Variants in ACLY observed in about 807,000 individuals in gnomAD.
ACLY encodes ATP citrate lyase, also known as ATP-citrate synthase.
Under a neutral mutation model 133.0 loss-of-function variants are expected in ACLY, and 41 were observed. The ratio of observed to expected loss-of-function variants is 0.31; its 90% confidence interval spans 0.24 to 0.40. The LOEUF is 0.40. Ranked by LOEUF, ACLY falls within the 10% of genes least tolerant of loss-of-function variation. The probability of loss-of-function intolerance (pLI) is 1.00; values close to 1 mark genes in which losing one functional copy is unlikely to be tolerated. For missense variants in ACLY, 1,046 were observed against 1,453.8 expected, an observed-to-expected ratio of 0.72 and a Z score of 4.56; for synonymous variants, 495 against 549.3, an observed-to-expected ratio of 0.90 and a Z score of 1.38.
chr17:41,905,901 G>C (rs968973020), intron 8 of ACLY, among the ~76,000 whole-genome samples: 1 of 152,218 alleles, frequency 6.6e-6, no homozygotes, highest in Non-Finnish European at 1.5e-5. Context: ...GACAGACAAT[G>C]GCAGGTAAAA....
rs1555628338 is a variant in ACLY, at chr17:41,887,142, A to G, written c.1875+457T>C. ...CCGTCTCAAAGAAAAAAAAAAAAAA[A>G]AAAAAAAAAAAAAAGGCCAAACACG... On this transcript the variant is annotated intron_variant, in intron 17 of 28. Transcript: ENST00000352035. Among the ~76,000 whole-genome samples, 5 of 19,104 alleles carry G rather than the reference A, an allele frequency of 2.6e-4. No individual in the cohort carries two copies. The Admixed American group carries it at 4.1e-3, about 16-fold the overall frequency. The allele number at this position is 19,104 out of a possible 152,430, so 12.5% of individuals were successfully genotyped here.
At chr17:41,878,603 G>A (rs946009376) in intron 21 of ACLY, among the ~76,000 whole-genome samples, 194 bp downstream of exon 21, 4 of 152,032 alleles carry the variant, frequency 2.6e-5, no homozygotes, top group Admixed American at 6.6e-5. Context: ...TACCAGCCTA[G>A]ACCTACTGCC....
At chr17:41,879,787 T>C (rs536321433) in intron 20 of ACLY, among the ~76,000 whole-genome samples, 7 of 150,146 alleles carry the variant, frequency 4.7e-5, no homozygotes, top group African/African-American at 1.7e-4. Flanking sequence ...GGTGCTATCT[T>C]GGCTCACTGC....
intron 11 of ACLY, among the ~76,000 whole-genome samples, chr17:41,900,605 G>A (rs782094400): frequency 3.8e-4 from 58 of 151,610 alleles, no homozygotes; most frequent in South Asian, 2.5e-3. Context: ...CACACCCGTG[G>A]TCCCCAATAC....
At position 41,898,691 on chromosome 17, in the gene ACLY, G is replaced by A. The variant is rs1555630899; in HGVS notation, c.1278C>T (p.Asn426=). The A allele has an allele frequency of 1.2e-6, 2 of 1,613,848 alleles. No individual in the cohort carries two copies. Among genetic ancestry groups the A allele is most frequent in the East Asian group, 2.2e-5 (1 of 44,880 alleles). ...CAGTGTGGGCCGCTGTGGGTGGCTG[G>A]TTGGGGATGGGCCGGTGGCCCAGGG... is the stretch of plus-strand genomic sequence containing the variant. ...GMALGHRPIP[N]QPPTAAHTAN... The change falls in exon 12 of 29, where the codon AAC becomes AAT. Residue 426 remains asparagine (N), a synonymous_variant. Transcript: ENST00000352035.
At position 41,878,098 on chromosome 17, in the gene ACLY, C is replaced by A; in HGVS notation, c.2487+5G>T. 6.5e-7 allele frequency: 1 copy of A among 1,532,656 alleles called. No individual in the cohort carries two copies. The highest frequency in any genetic ancestry group is 2.5e-5 in the East Asian group (1 of 40,670). The allele number at this position is 1,532,656 out of a possible 1,614,324, so 94.9% of individuals were successfully genotyped here. On this transcript the variant is annotated splice_donor_5th_base_variant and intron_variant, in intron 22 of 28. Coordinates refer to ENST00000352035, the MANE Select transcript of ACLY (RefSeq NM_001096.3). ...CACACTGTTAGAGACATTTAAGGCA[C>A]CTACCCTGGCCCAGGAGTAGTCCAT...
At chr17:41,921,808 A>G (rs1243242811), upstream of ACLY, among the ~76,000 whole-genome samples, 4 of 152,156 alleles carry the variant, frequency 2.6e-5, no homozygotes, top group African/African-American at 9.7e-5. Flanking sequence ...TGTCTCAAAA[A>G]AAAAAAATTA....
intron 11 of ACLY, 37 bp downstream of exon 11, chr17:41,901,659 C>T: frequency 6.4e-7 from 1 of 1,573,704 alleles, no homozygotes; most frequent in Non-Finnish European, 8.7e-7. Flanking sequence ...GCCACCCACA[C>T]TCAGGGTGAG....
At position 41,909,528 on chromosome 17, in the gene ACLY, G is replaced by A. The variant is rs781944768; in HGVS notation, c.518C>T (p.Ala173Val). The A allele has an allele frequency of 6.2e-7, 1 of 1,614,110 alleles. No homozygotes were observed. The highest frequency in any genetic ancestry group is 1.1e-5 in the South Asian group (1 of 91,072). The change falls in exon 5 of 29, where the codon GCC becomes GTC. Residue 173 changes from alanine (A) to valine (V), a missense_variant. Coordinates refer to ENST00000352035, the MANE Select transcript of ACLY (RefSeq NM_001096.3). ...ACTCAACTCTTTCTTGTCTTCAGGG[G>A]CGTGGACCAACAGGTGTTTTTTGAT... ...EDIKKHLLVHAPEDKKEILAS... is the reference protein window; with the variant it reads ...EDIKKHLLVHVPEDKKEILAS...
chr17:41,876,427 T>C (rs1449814276), intron 22 of ACLY, among the ~76,000 whole-genome samples: 3 of 152,096 alleles, frequency 2.0e-5, no homozygotes, highest in Admixed American at 6.6e-5. Flanking sequence ...CAACAGCTCA[T>C]TGCGAGCGAG....
intron 8 of ACLY, among the ~76,000 whole-genome samples, chr17:41,906,095 A>C (rs1555632600): frequency 6.6e-6 from 1 of 152,206 alleles, no homozygotes; most frequent in Admixed American, 6.5e-5. Context: ...AGTGAAAAAA[A>C]CTGCTAATTA....
chr17:41,900,387 G>A (rs80305142), intron 11 of ACLY, among the ~76,000 whole-genome samples: 124 of 150,814 alleles, frequency 8.2e-4, no homozygotes, highest in African/African-American at 2.9e-3. Context: ...AGAAAAAAAA[G>A]AAAAAAAATT....
intron 8 of ACLY, 53 bp from the exon 9 acceptor site, chr17:41,905,711 G>A: frequency 1.2e-6 from 2 of 1,610,294 alleles, no homozygotes; most frequent in African/African-American, 1.3e-5. Flanking sequence ...GCAGGGAGTG[G>A]CAGCCTGGTG....
rs1555624662 is a variant in ACLY, at chr17:41,869,559, A to G, written c.2966T>C (p.Ile989Thr). ...SINNPDMRVQ[I>T]LKDYVRQHFP... is the part of the protein sequence containing the mutation. ...GTGCTGCCTGACGTAATCTTTGAGGATCTGCACTCGCATGTCTGGGTTGTT... is the reference window on the plus strand; with the variant it reads ...GTGCTGCCTGACGTAATCTTTGAGGGTCTGCACTCGCATGTCTGGGTTGTT... Residue 989 changes from isoleucine to threonine, a missense_variant, in exon 26 of 29, where the codon ATC becomes ACC. Transcript: ENST00000352035. 6.2e-7 allele frequency: 1 copy of G among 1,614,086 alleles called. No homozygotes were observed. Among genetic ancestry groups the G allele is most frequent in the Non-Finnish European group, 8.5e-7 (1 of 1,179,996 alleles).
intron 11 of ACLY, among the ~76,000 whole-genome samples, chr17:41,899,874 T>A (rs1555631193): frequency 6.6e-6 from 1 of 151,624 alleles, no homozygotes; most frequent in African/African-American, 2.4e-5. Flanking sequence ...CAAAAGTTCG[T>A]CTACAAAAAA....
chr17:41,925,543 T>A (rs1164763802), intron 1 of ACLY, among the ~76,000 whole-genome samples: 5 of 148,594 alleles, frequency 3.4e-5, no homozygotes, highest in African/African-American at 1.2e-4. Context: ...CCCAGGAGGG[T>A]GGAGGTTGCA....
At chr17:41,907,934 G>A (rs1555632973) in intron 6 of ACLY, among the ~76,000 whole-genome samples, 1 of 152,112 alleles carries the variant, frequency 6.6e-6, no homozygotes, top group Non-Finnish European at 1.5e-5. Context: ...AAAGGTACAT[G>A]TTGCTGACAG....
intron 25 of ACLY, 145 bp downstream of exon 25, chr17:41,871,544 G>A (rs970827734): frequency 3.4e-5 from 30 of 874,678 alleles, no homozygotes; most frequent in East Asian, 1.8e-4. Flanking sequence ...TAGTAGAGAC[G>A]GGGTTTCTCC....
chr17:41,897,965 G>T, intron 12 of ACLY, 126 bp from the exon 13 acceptor site: 1 of 751,830 alleles, frequency 1.3e-6, no homozygotes, highest in Non-Finnish European at 2.1e-6. Context: ...TTTATAAGCT[G>T]CTTCCAAAAG....
Sources: gnomAD v4.1 joint callset for allele counts (sites outside exome capture counted in the v4.1 genomes callset) on GRCh38, gnomAD v4.1.1 for gene constraint, MANE v1.5 for transcripts, NCBI Gene and HGNC (gene_info 2026-07-23, HGNC 2026-07-21) for gene names.